WDR17: variants seen among roughly 807,000 people sequenced by gnomAD.
WDR17 encodes WD repeat domain 17, also known as WD repeat-containing protein 17.
Under a neutral mutation model 161.7 loss-of-function variants are expected in WDR17, and 143 were observed. The ratio of observed to expected loss-of-function variants is 0.88; its 90% CI spans 0.77 to 1.02. The LOEUF (loss-of-function observed/expected upper bound fraction) is 1.02, where lower values mean the gene tolerates loss of function less well. Among genes scored for constraint, WDR17 ranks in the 50% least tolerant of loss-of-function variants. The pLI is 0.00. For synonymous variants in WDR17, 517 were observed against 515.6 expected, an observed-to-expected ratio of 1.00 and a Z score of -0.04; for missense variants, 1,469 against 1,520.9, an observed-to-expected ratio of 0.97 and a Z score of 0.57.
intron 1 of WDR17, among the ~76,000 whole-genome samples, chr4:176,089,618 A>G (rs934708377): frequency 6.6e-6 from 1 of 152,040 alleles, no homozygotes; most frequent in Admixed American, 6.6e-5. Flanking sequence ...TGAGTGCTGT[A>G]TATATGAGTG....
Position 176,156,677 on chromosome 4 carries a change from T to TAA in WDR17, c.2525+550_2525+551dup, listed in dbSNP as rs34152816. Among the ~76,000 whole-genome samples, 55 of 128,958 alleles carry TAA rather than the reference T, an allele frequency of 4.3e-4. 1 individual carries two copies. Among genetic ancestry groups the TAA allele is most frequent in the African/African-American group, 1.2e-3 (41 of 34,344 alleles). The allele number at this position is 128,958 out of a possible 152,430, so 84.6% of individuals were successfully genotyped here. On this transcript the variant is annotated intron_variant, in intron 18 of 28. Transcript: ENST00000508596. ...GTGGGCTAGTTTCCTGGGGTTGCCG[T>TAA]AAAAAAAAAAAAAAAAATTACCATA... is the stretch of plus-strand genomic sequence containing the variant.
chr4:176,143,469 G>T (rs1007572140), intron 11 of WDR17, among the ~76,000 whole-genome samples: 1 of 149,668 alleles, frequency 6.7e-6, no homozygotes, highest in Non-Finnish European at 1.5e-5. Flanking sequence ...TTCAATACCA[G>T]CCTGGGCAAC....
At chr4:176,158,068 T>C (rs551429036) in intron 18 of WDR17, among the ~76,000 whole-genome samples, 6 of 152,348 alleles carry the variant, frequency 3.9e-5, no homozygotes, top group Admixed American at 3.3e-4. Flanking sequence ...GTAAACGTAG[T>C]AAGCTTTTTT....
In WDR17 at chr4:176,153,272, C is replaced by T. The variant is rs1482038091; in HGVS notation, c.2460+1305C>T. 2.0e-5 allele frequency among the ~76,000 whole-genome samples: 3 copies of T among 152,316 alleles called. No individual in the cohort carries two copies. In the East Asian group the frequency reaches 5.8e-4, roughly 29 times the overall value. ...CAGTAGAATCCGCTTGCTAATACTACTTGTCATAACTAAATCCCACACTGG... is the reference window on the plus strand; with the variant it reads ...CAGTAGAATCCGCTTGCTAATACTATTTGTCATAACTAAATCCCACACTGG... On this transcript the variant is annotated intron_variant, in intron 17 of 28. Coordinates refer to ENST00000508596, the MANE Select transcript of WDR17 (RefSeq NM_181265.4).
intron 1 of WDR17, among the ~76,000 whole-genome samples, chr4:176,074,600 G>T (rs1272065784): frequency 6.6e-6 from 1 of 151,628 alleles, no homozygotes; most frequent in Non-Finnish European, 1.5e-5. Context: ...GCGACTAGAG[G>T]TGCATGCACC....
chr4:176,158,513 C>T (rs950173323), intron 18 of WDR17, among the ~76,000 whole-genome samples: 6 of 152,100 alleles, frequency 3.9e-5, no homozygotes, highest in Admixed American at 3.3e-4. Context: ...TCAAATGGCA[C>T]GAAGATCATT....
Position 176,149,921 on chromosome 4 carries a change from C to A in WDR17, c.2012C>A (p.Ala671Glu). The A allele has an allele frequency of 6.2e-7, 1 of 1,613,520 alleles. No homozygotes were observed. ...LVTPVQINIL[A>E]DRSWEEIIGN... ...ACTCCTGTACAAATAAATATTCTGG[C>A]AGACAGATCTTGGGAAGAAATTATT... The change falls in exon 14 of 29, where the codon GCA becomes GAA. Residue 671 changes from alanine to glutamate, a missense_variant. Coordinates refer to ENST00000508596, the MANE Select transcript of WDR17 (RefSeq NM_181265.4).
intron 10 of WDR17, 129 bp from the exon 11 acceptor site, chr4:176,141,854 C>CTT (rs1223350198): frequency 7.2e-5 from 51 of 710,162 alleles, no homozygotes; most frequent in Non-Finnish European, 1.0e-4. Flanking sequence ...TTCAAATGTT[C>CTT]TTTTTGCTTT....
chr4:176,151,916 G>A lies in WDR17; in HGVS notation c.2409G>A (p.Leu803=), dbSNP rs753477694. ...ERLKEAAEIH[L]RLGQIQRYCE... is the part of the protein sequence containing the mutation. ...TGAAGGAAGCTGCTGAAATCCACTTGAGATTAGGACAAATTCAGAGATACT... is the reference window on the plus strand; with the variant it reads ...TGAAGGAAGCTGCTGAAATCCACTTAAGATTAGGACAAATTCAGAGATACT... Residue 803 remains leucine (L), a synonymous_variant, in exon 17 of 29, where the codon TTG becomes TTA. Transcript: ENST00000508596. The A allele has an allele frequency of 5.0e-6, 8 of 1,613,338 alleles. No individual in the cohort carries two copies. Among genetic ancestry groups the A allele is most frequent in the Non-Finnish European group, 6.8e-6 (8 of 1,179,766 alleles).
chr4:176,108,671 A>C (rs910994453), intron 1 of WDR17, among the ~76,000 whole-genome samples: 2 of 151,834 alleles, frequency 1.3e-5, no homozygotes, highest in African/African-American at 4.8e-5. Context: ...GGGGTGGGGG[A>C]GGCTATGAGG....
intron 8 of WDR17, among the ~76,000 whole-genome samples, chr4:176,136,606 T>C (rs1326055501): frequency 6.6e-6 from 1 of 151,458 alleles, no homozygotes; most frequent in East Asian, 1.9e-4. Context: ...GACTTTGAGG[T>C]AAGTGGGGAT....
intron 1 of WDR17, among the ~76,000 whole-genome samples, chr4:176,108,219 C>T (rs1355625653): frequency 6.6e-6 from 1 of 151,936 alleles, no homozygotes; most frequent in Non-Finnish European, 1.5e-5. Context: ...GTGTATTTTA[C>T]CACGATAAGA....
At chr4:176,156,510 T>G (rs891494962) in intron 18 of WDR17, among the ~76,000 whole-genome samples, 1 of 152,018 alleles carries the variant, frequency 6.6e-6, no homozygotes, top group Admixed American at 6.6e-5. Context: ...TCTCAAAAAT[T>G]TTCTCTGTAG....
chr4:176,162,254 A>T, intron 21 of WDR17, 80 bp downstream of exon 21: 1 of 1,285,256 alleles, frequency 7.8e-7, no homozygotes, highest in Admixed American at 2.1e-5. Flanking sequence ...AGATATGGTG[A>T]CTTTCTATGT....
At chr4:176,139,831 T>C (rs1300311918) in intron 9 of WDR17, 61 bp from the exon 10 acceptor site, 8 of 1,340,530 alleles carry the variant, frequency 6.0e-6, no homozygotes, top group Middle Eastern at 2.4e-4. Flanking sequence ...AAGAAGTAAA[T>C]ATATAAGAGA....
intron 1 of WDR17, among the ~76,000 whole-genome samples, chr4:176,067,301 T>G (rs1732655280): frequency 6.6e-6 from 1 of 152,250 alleles, no homozygotes; most frequent in Admixed American, 6.5e-5. Context: ...GTTAATATTT[T>G]GGGAAACATC....
At chr4:176,133,210 T>G (rs532205907) in intron 7 of WDR17, among the ~76,000 whole-genome samples, 2 of 141,448 alleles carry the variant, frequency 1.4e-5, no homozygotes, top group East Asian at 4.0e-4. Flanking sequence ...CACTTCACTA[T>G]TTAATTACAA....
rs1188947671 is a variant in WDR17, at chr4:176,151,978, A to G, written c.2460+11A>G. On this transcript the variant is annotated intron_variant, in intron 17 of 28. Coordinates refer to ENST00000508596, the MANE Select transcript of WDR17 (RefSeq NM_181265.4). ...GTTGAACTTGGAGAGGTAATGTGCT[A>G]TGAAAGTAAAACTAATGAGTTTAAC... The G allele has an allele frequency of 1.9e-6, 3 of 1,607,570 alleles. No individual in the cohort carries two copies. Among genetic ancestry groups the G allele is most frequent in the South Asian group, 2.2e-5 (2 of 89,152 alleles).
chr4:176,072,350 G>T (rs1733350209), intron 1 of WDR17, among the ~76,000 whole-genome samples: 1 of 152,158 alleles, frequency 6.6e-6, no homozygotes, highest in Non-Finnish European at 1.5e-5. Context: ...CATTTAAATT[G>T]TCTGAGAGTG....
Sources: gnomAD v4.1 joint callset for allele counts (sites outside exome capture counted in the v4.1 genomes callset) on GRCh38, gnomAD v4.1.1 for gene constraint, MANE v1.5 for transcripts, NCBI Gene and HGNC (gene_info 2026-07-23, HGNC 2026-07-21) for gene names.